IGSF10: variants seen among roughly 807,000 people sequenced by gnomAD.
The protein encoded by IGSF10 is calvaria mechanical force protein 608.
In IGSF10, 126 loss-of-function variants were observed where a neutral mutation model predicts 128.2. The observed-to-expected ratio is 0.98, with a 90% confidence interval of 0.85 to 1.14. The LOEUF (loss-of-function observed/expected upper bound fraction) is 1.14, where lower values mean the gene tolerates loss of function less well. Ranked by LOEUF, IGSF10 falls within the 50% of genes most tolerant of loss-of-function variation. IGSF10 has a pLI of 0.00. For missense variants in IGSF10, 3,295 were observed against 3,149.8 expected, an observed-to-expected ratio of 1.05 and a Z score of -1.10; for synonymous variants, 1,185 against 1,146.2, an observed-to-expected ratio of 1.03 and a Z score of -0.68.
At chr3:151,433,271 A>G (rs372403096), downstream of IGSF10, 2 of 153,574 alleles carry the variant, frequency 1.3e-5, no homozygotes, top group African/African-American at 4.8e-5. Context: ...TGGCCTGTTT[A>G]TTCTGCATTC....
rs1721992561 is a variant in IGSF10, at chr3:151,460,330, G to T, written c.-71C>A. ...GAGACAGAAAATCTTCCCAGGAAATGGAAAATTGTGTCCAAACCTGAGGGA... is the reference window on the plus strand; with the variant it reads ...GAGACAGAAAATCTTCCCAGGAAATTGAAAATTGTGTCCAAACCTGAGGGA... On this transcript the variant is annotated 5_prime_UTR_variant, in exon 2 of 8. Coordinates refer to ENST00000282466, the MANE Select transcript of IGSF10 (RefSeq NM_178822.5). 1 of 979,980 alleles carries T rather than the reference G, an allele frequency of 1.0e-6. No individual in the cohort carries two copies. The highest frequency in any genetic ancestry group is 1.2e-6 in the Non-Finnish European group (1 of 824,976). 60.7% of individuals were successfully genotyped at this position (979,980 alleles called of 1,614,324 possible).
chr3:151,445,073 G>A lies in IGSF10; in HGVS notation c.4908C>T (p.Pro1636=). 1 of 1,614,200 alleles carries A rather than the reference G, an allele frequency of 6.2e-7. No homozygotes were observed. The highest frequency in any genetic ancestry group is 8.5e-7 in the Non-Finnish European group (1 of 1,180,036). ...VQEATTSKLL[P]FDSLSRYIFE... is the part of the protein sequence containing the mutation. The stretch of plus-strand genomic sequence containing the variant: ...ATATATACCTAGACAAAGAGTCAAA[G>A]GGAAGGAGTTTGGAAGTTGTTGCTT... Residue 1636 remains proline (P), a synonymous_variant, in exon 6 of 8, where the codon CCC becomes CCT. Coordinates refer to ENST00000282466, the MANE Select transcript of IGSF10 (RefSeq NM_178822.5).
the IGSF10 span, among the ~76,000 whole-genome samples, chr3:151,511,954 A>G: frequency 1.3e-5 from 2 of 152,230 alleles, no homozygotes; most frequent in Non-Finnish European, 2.9e-5. Flanking sequence ...GAGCACCCAG[A>G]TTCATAAAGC....
the IGSF10 span, among the ~76,000 whole-genome samples, chr3:151,515,507 A>G: frequency 6.7e-6 from 1 of 150,288 alleles, no homozygotes; most frequent in African/African-American, 2.4e-5. Flanking sequence ...ATTAGGACAT[A>G]TACCTAATGC....
At chr3:151,434,158 A>G (rs772259182), downstream of IGSF10, 34 of 152,252 alleles carry the variant, frequency 2.2e-4, no homozygotes, top group Non-Finnish European at 4.1e-4. Context: ...ATATGATTTT[A>G]CATATAATAT....
At chr3:151,576,435 C>G in the IGSF10 span, among the ~76,000 whole-genome samples, 1 of 152,090 alleles carries the variant, frequency 6.6e-6, no homozygotes, top group Admixed American at 6.6e-5. Context: ...TTTTCATAAA[C>G]ACAGACCAGA....
the IGSF10 span, among the ~76,000 whole-genome samples, chr3:151,487,058 T>A: frequency 1.1e-4 from 16 of 151,950 alleles, no homozygotes; most frequent in Admixed American, 1.0e-3. Context: ...CTGTTTTTTT[T>A]AAAGATCAAC....
the IGSF10 span, among the ~76,000 whole-genome samples, chr3:151,596,556 A>G: frequency 0.036 from 5,531 of 152,186 alleles, 151 homozygotes; most frequent in East Asian, 0.13. Context: ...ACAATTGCCT[A>G]TGTGTATCTT....
At chr3:151,561,339 CTT>C in the IGSF10 span, among the ~76,000 whole-genome samples, 11 of 152,140 alleles carry the variant, frequency 7.2e-5, no homozygotes, top group Non-Finnish European at 7.4e-5. Context: ...TAAATGAGAA[CTT>C]AGTCTACTTC....
intron 4 of IGSF10, 90 bp downstream of exon 4, chr3:151,456,936 G>T: frequency 2.4e-6 from 3 of 1,255,648 alleles, no homozygotes; most frequent in Middle Eastern, 1.9e-4. Flanking sequence ...GTTGATTTTC[G>T]TATTGTGTAG....
the IGSF10 span, among the ~76,000 whole-genome samples, chr3:151,471,041 G>T: frequency 5.9e-5 from 9 of 152,046 alleles, no homozygotes; most frequent in African/African-American, 2.2e-4. Flanking sequence ...CACCGAAATC[G>T]CACCTTGAAT....
chr3:151,512,014 G>A, the IGSF10 span, among the ~76,000 whole-genome samples: 8 of 152,106 alleles, frequency 5.3e-5, 1 homozygote, highest in South Asian at 8.3e-4. Context: ...CCATAATAAC[G>A]GGAGACTTTA....
the IGSF10 span, among the ~76,000 whole-genome samples, chr3:151,467,450 C>G: frequency 6.6e-6 from 1 of 152,124 alleles, no homozygotes; most frequent in Non-Finnish European, 1.5e-5. Context: ...CCAGGGCTTC[C>G]TGACCTTTAC....
At chr3:151,526,536 G>A in the IGSF10 span, among the ~76,000 whole-genome samples, 16 of 151,840 alleles carry the variant, frequency 1.1e-4, no homozygotes, top group African/African-American at 3.1e-4. Flanking sequence ...TTAGTACCAC[G>A]AAGTTTCTAT....
chr3:151,543,361 C>T, the IGSF10 span, among the ~76,000 whole-genome samples: 438 of 152,270 alleles, frequency 2.9e-3, 4 homozygotes, highest in East Asian at 0.03. Flanking sequence ...ACACTGTCCA[C>T]CTTTATCTTG....
chr3:151,519,918 T>C, the IGSF10 span, among the ~76,000 whole-genome samples: 1 of 151,862 alleles, frequency 6.6e-6, no homozygotes, highest in Non-Finnish European at 1.5e-5. Flanking sequence ...TTTGTTATAG[T>C]GCATATTAAA....
At chr3:151,481,196 C>A in the IGSF10 span, among the ~76,000 whole-genome samples, 4 of 151,506 alleles carry the variant, frequency 2.6e-5, no homozygotes, top group South Asian at 8.3e-4. Flanking sequence ...GGAATCAGAC[C>A]CTTGCATGAG....
chr3:151,520,473 C>G, the IGSF10 span, among the ~76,000 whole-genome samples: 2 of 151,614 alleles, frequency 1.3e-5, no homozygotes, highest in Non-Finnish European at 3.0e-5. Flanking sequence ...TGATTAAAAA[C>G]CATACTGTTT....
At chr3:151,550,163 G>C in the IGSF10 span, among the ~76,000 whole-genome samples, 306 of 152,196 alleles carry the variant, frequency 2.0e-3, 1 homozygote, top group African/African-American at 6.5e-3. Context: ...CTAATAGTAA[G>C]AGAAAAATGA....
Sources: gnomAD v4.1 joint callset for allele counts (sites outside exome capture counted in the v4.1 genomes callset) on GRCh38, gnomAD v4.1.1 for gene constraint, MANE v1.5 for transcripts, NCBI Gene and HGNC (gene_info 2026-07-23, HGNC 2026-07-21) for gene names.